TMEM86B: variants seen among roughly 807,000 people sequenced by gnomAD.
The protein encoded by TMEM86B is transmembrane protein 86B, also known as lysoplasmalogenase TMEM86B.
In TMEM86B, 15 loss-of-function variants were observed where a neutral mutation model predicts 12.3. The ratio of observed to expected loss-of-function variants is 1.22; its 90% CI spans 0.81 to 1.87. The LOEUF is 1.87. Among genes scored for constraint, TMEM86B ranks in the 40% most tolerant of loss-of-function variants. The probability of loss-of-function intolerance (pLI) is 0.00; values close to 1 mark genes in which losing one functional copy is unlikely to be tolerated. For synonymous variants in TMEM86B, 173 were observed against 140.3 expected (o/e 1.23, Z -1.65); for missense variants, 328 against 297.4 (o/e 1.10, Z -0.76).
rs2087286324 is a variant in TMEM86B, at chr19:55,226,901, G to A, written c.*280C>T. On this transcript the variant is annotated 3_prime_UTR_variant, in exon 3 of 3. Coordinates refer to ENST00000327042, the MANE Select transcript of TMEM86B (RefSeq NM_173804.5). Reference sequence around the variant, plus strand: ...GGCTGTGGGGCCGACAGTGAACATGGAGGCAGGCTGGTGGCTGGGAGGGCT... The same window carrying A: ...GGCTGTGGGGCCGACAGTGAACATGAAGGCAGGCTGGTGGCTGGGAGGGCT... The A allele has an allele frequency of 2.9e-6, 1 of 348,072 alleles. No individual in the cohort carries two copies. Among genetic ancestry groups the A allele is most frequent in the Non-Finnish European group, 5.2e-6 (1 of 193,366 alleles). 21.6% of individuals were successfully genotyped at this position (348,072 alleles called of 1,614,324 possible).
rs2087294826 is a variant in TMEM86B, at chr19:55,227,553, G to C, written c.309C>G (p.Ala103=). 3.3e-6 allele frequency: 5 copies of C among 1,531,068 alleles called. No homozygotes were observed. The South Asian group carries it at 4.8e-5, about 15-fold the overall frequency. The allele number at this position is 1,531,068 out of a possible 1,614,324, so 94.8% of individuals were successfully genotyped here. ...WPAAFVPGMA[A]FATAHLLYVW... The stretch of plus-strand genomic sequence containing the variant: ...CGTAGAGGAGGTGGGCGGTGGCAAA[G>C]GCGGCCATGCCTGGCGGGAGAGGGG... Residue 103 remains alanine (A), a synonymous_variant, in exon 3 of 3, where the codon GCC becomes GCG. Coordinates refer to ENST00000327042, the MANE Select transcript of TMEM86B (RefSeq NM_173804.5).
intron 2 of TMEM86B, chr19:55,227,799 T>C (rs2087296851): frequency 3.2e-6 from 2 of 633,918 alleles, no homozygotes; most frequent in Admixed American, 3.2e-5. Context: ...CCAGCCACTC[T>C]GCGCCAGCCA....
chr19:55,227,997 C>G (rs967244501), intron 2 of TMEM86B, 194 bp downstream of exon 2: 2 of 987,514 alleles, frequency 2.0e-6, no homozygotes, highest in Non-Finnish European at 2.9e-6. Flanking sequence ...TCTGCGCCAC[C>G]TCAGCTACTG....
chr19:55,228,648 G>A, intron 1 of TMEM86B, 43 bp downstream of exon 1: 3 of 1,594,708 alleles, frequency 1.9e-6, no homozygotes, highest in East Asian at 4.5e-5. Context: ...GGGTTCCAGG[G>A]CCCTGTCCCC....
In TMEM86B at chr19:55,227,289, G is replaced by C. The variant is rs770981254; in HGVS notation, c.573C>G (p.Phe191Leu). ...GGTGGGCATGGGGCAGGGGCTGGGC[G>C]AAGGTGTCCCAGGCCAGCACGCCAT... ...LSDGVLAWDT[F>L]AQPLPHAHLV... The change falls in exon 3 of 3, where the codon TTC (phenylalanine) becomes TTG (leucine). Residue 191 changes from phenylalanine (F) to leucine (L), a missense_variant. Physicochemically the swap from Phe to Leu is conservative, Grantham distance 22. Transcript: ENST00000327042. 1.2e-5 allele frequency: 19 copies of C among 1,608,644 alleles called. No individual in the cohort carries two copies. The Admixed American group carries it at 3.2e-4, about 27-fold the overall frequency.
In TMEM86B at chr19:55,228,198, G is replaced by T; in HGVS notation, c.291C>A (p.Phe97Leu). ...GDACLIWPAA[F>L]VPGMAAFATA... Reference sequence around the variant, plus strand: ...ACAGCACCTTCCACTCACCAGGGACGAAGGCTGCCGGCCAGATGAGGCAAG... The same window carrying T: ...ACAGCACCTTCCACTCACCAGGGACTAAGGCTGCCGGCCAGATGAGGCAAG... Residue 97 changes from phenylalanine (F) to leucine (L), a missense_variant, in exon 2 of 3, where the codon TTC becomes TTA. By Grantham distance (22) the Phe-to-Leu change is conservative. Coordinates refer to ENST00000327042, the MANE Select transcript of TMEM86B (RefSeq NM_173804.5). 6.2e-7 allele frequency: 1 copy of T among 1,609,876 alleles called. No homozygotes were observed. The highest frequency in any genetic ancestry group is 8.5e-7 in the Non-Finnish European group (1 of 1,178,928).
At chr19:55,228,109 C>T in intron 2 of TMEM86B, 82 bp downstream of exon 2, 1 of 1,509,044 alleles carries the variant, frequency 6.6e-7, no homozygotes, top group Non-Finnish European at 8.8e-7. Context: ...TCACAGGAGC[C>T]CTCTGCACCC....
In TMEM86B at chr19:55,227,532, G is replaced by A. The variant is rs370734858; in HGVS notation, c.330C>T (p.Leu110=). 570 of 1,541,880 alleles carry A rather than the reference G, an allele frequency of 3.7e-4. 1 individual carries two copies. Among genetic ancestry groups the A allele is most frequent in the South Asian group, 4.4e-4 (37 of 83,624 alleles). ...GMAAFATAHL[L]YVWAFGFSPL... ...GAGAGAAGCCGAAGGCCCAGACGTA[G>A]AGGAGGTGGGCGGTGGCAAAGGCGG... The change falls in exon 3 of 3, where the codon CTC becomes CTT. Residue 110 remains leucine (L), a synonymous_variant. Coordinates refer to ENST00000327042, the MANE Select transcript of TMEM86B (RefSeq NM_173804.5).
At chr19:55,227,994 C>T in intron 2 of TMEM86B, 197 bp downstream of exon 2, 1 of 952,588 alleles carries the variant, frequency 1.0e-6, no homozygotes, top group Non-Finnish European at 1.5e-6. Flanking sequence ...CCCTCTGCGC[C>T]ACCTCAGCTA....
chr19:55,227,738 C>T, intron 2 of TMEM86B, 175 bp from the exon 3 acceptor site: 1 of 886,780 alleles, frequency 1.1e-6, no homozygotes, highest in Non-Finnish European at 1.6e-6. Flanking sequence ...TCAGAACTGC[C>T]AGGAGGCCCC....
intron 2 of TMEM86B, 161 bp downstream of exon 2, chr19:55,228,030 C>A (rs755821430): frequency 1.6e-6 from 2 of 1,268,948 alleles, no homozygotes; most frequent in Non-Finnish European, 2.1e-6. Context: ...CTGCCCCCAC[C>A]CCTCGCTGGA....
At position 55,228,750 on chromosome 19, in the gene TMEM86B, G is replaced by A. The variant is rs1201907548; in HGVS notation, c.-9C>T. ...GCTTTGCCAGCGTCCATGCTGGCCTGATAGCCCCAGAGCGACCTAATCTGG... is the reference window on the plus strand; with the variant it reads ...GCTTTGCCAGCGTCCATGCTGGCCTAATAGCCCCAGAGCGACCTAATCTGG... On this transcript the variant is annotated 5_prime_UTR_variant, in exon 1 of 3. Transcript: ENST00000327042. The A allele has an allele frequency of 3.1e-6, 5 of 1,612,940 alleles. No homozygotes were observed. Among genetic ancestry groups the A allele is most frequent in the Non-Finnish European group, 4.2e-6 (5 of 1,179,672 alleles).
At chr19:55,228,651 C>T (rs181898731) in intron 1 of TMEM86B, 40 bp downstream of exon 1, 1 of 1,596,840 alleles carries the variant, frequency 6.3e-7, no homozygotes, top group East Asian at 2.3e-5. Flanking sequence ...TTCCAGGGCC[C>T]TGTCCCCCCA....
intron 1 of TMEM86B, 89 bp downstream of exon 1, chr19:55,228,602 C>A: frequency 6.5e-7 from 1 of 1,539,032 alleles, no homozygotes; most frequent in Non-Finnish European, 8.8e-7. Flanking sequence ...GCCCAACCAA[C>A]TCAAGGACAG....
In TMEM86B at chr19:55,226,816, A is replaced by T. The variant is rs774281011; in HGVS notation, c.*365T>A. The T allele has an allele frequency of 3.7e-5, 8 of 216,810 alleles. No individual in the cohort carries two copies. Among genetic ancestry groups the T allele is most frequent in the Non-Finnish European group, 5.4e-5 (6 of 110,208 alleles). The allele number at this position is 216,810 out of a possible 1,614,324, so 13.4% of individuals were successfully genotyped here. A position where few individuals can be genotyped will look rare whatever the true frequency, so the allele number is the denominator to read the frequency against. On this transcript the variant is annotated 3_prime_UTR_variant, in exon 3 of 3. Coordinates refer to ENST00000327042, the MANE Select transcript of TMEM86B (RefSeq NM_173804.5). ...CGAGGCCTCTCCTACGGTAACAGCA[A>T]CATCTACGGTTCCACACCCACAGGG...
intron 2 of TMEM86B, 111 bp downstream of exon 2, chr19:55,228,079 GC>G: frequency 6.9e-7 from 1 of 1,454,300 alleles, no homozygotes; most frequent in Non-Finnish European, 9.0e-7. Context: ...CCCCCACTGT[GC>G]CTTTGACCAC....
Position 55,227,258 on chromosome 19 carries a change from T to C in TMEM86B, c.604A>G (p.Ile202Val). The C allele has an allele frequency of 6.2e-7, 1 of 1,603,212 alleles. No individual in the cohort carries two copies. Among genetic ancestry groups the C allele is most frequent in the Non-Finnish European group, 8.5e-7 (1 of 1,173,702 alleles). ...AQPLPHAHLV[I>V]MTTYYAAQLL... Reference sequence around the variant, plus strand: ...TGGGCAGCATAGTAGGTGGTCATGATCACCAGGTGGGCATGGGGCAGGGGC... The same window carrying C: ...TGGGCAGCATAGTAGGTGGTCATGACCACCAGGTGGGCATGGGGCAGGGGC... The change falls in exon 3 of 3, where the codon ATC becomes GTC. Residue 202 changes from isoleucine to valine, a missense_variant. Transcript: ENST00000327042.
chr19:55,227,747 C>T, intron 2 of TMEM86B, 184 bp from the exon 3 acceptor site: 2 of 842,400 alleles, frequency 2.4e-6, no homozygotes, highest in Admixed American at 3.1e-5. Flanking sequence ...CCAGGAGGCC[C>T]CACCTTCCCT....
In TMEM86B at chr19:55,227,297, C is replaced by T. The variant is rs775870521; in HGVS notation, c.565G>A (p.Asp189Asn). 11 of 1,609,064 alleles carry T rather than the reference C, an allele frequency of 6.8e-6. No individual in the cohort carries two copies. The African/African-American group carries it at 9.4e-5, about 14-fold the overall frequency. The change falls in exon 3 of 3, where the codon GAC becomes AAC. Residue 189 changes from aspartate (D) to asparagine (N), a missense_variant. Asp to Asn is a conservative substitution (Grantham distance 23, BLOSUM62 1). Coordinates refer to ENST00000327042, the MANE Select transcript of TMEM86B (RefSeq NM_173804.5). ...TGGGGCAGGGGCTGGGCGAAGGTGTCCCAGGCCAGCACGCCATCAGAGAGC... is the reference window on the plus strand; with the variant it reads ...TGGGGCAGGGGCTGGGCGAAGGTGTTCCAGGCCAGCACGCCATCAGAGAGC... ...FTLSDGVLAW[D>N]TFAQPLPHAH...
Sources: gnomAD v4.1 joint callset for allele counts on GRCh38, gnomAD v4.1.1 for gene constraint, MANE v1.5 for transcripts, NCBI Gene and HGNC (gene_info 2026-07-23, HGNC 2026-07-21) for gene names.